The following UNC13C variants were observed in gnomAD, a reference collection of about 807,000 sequenced individuals.
UNC13C encodes unc-13 homolog C.
Under a neutral mutation model 245.4 loss-of-function variants are expected in UNC13C, and 174 were observed. The ratio of observed to expected loss-of-function variants is 0.71; its 90% CI spans 0.63 to 0.80. The LOEUF (loss-of-function observed/expected upper bound fraction) is 0.80. Among genes scored for constraint, UNC13C ranks in the 30% least tolerant of loss-of-function variants. The pLI is 0.00. For synonymous variants in UNC13C, 992 were observed against 895.1 expected (o/e 1.11, Z -1.93); for missense variants, 2,829 against 2,602.9 (o/e 1.09, Z -1.89).
chr15:54,153,430 GATA>G (rs894904005), intron 4 of UNC13C, among the ~76,000 whole-genome samples: 6 of 152,018 alleles, frequency 3.9e-5, no homozygotes, highest in African/African-American at 1.4e-4. Flanking sequence ...AGGTAGGTAT[GATA>G]ATTATTATTC....
intron 10 of UNC13C, among the ~76,000 whole-genome samples, chr15:54,277,160 A>G (rs2036854951): frequency 6.6e-6 from 1 of 152,122 alleles, no homozygotes; most frequent in African/African-American, 2.4e-5. Flanking sequence ...TGACATTTTT[A>G]TCAGCATCTC....
chr15:53,956,561 A>G, the UNC13C span, among the ~76,000 whole-genome samples: 1 of 150,320 alleles, frequency 6.7e-6, no homozygotes, highest in Non-Finnish European at 1.5e-5. Context: ...AGGGTATAGC[A>G]AGAGTGTTAC....
intron 17 of UNC13C, among the ~76,000 whole-genome samples, chr15:54,357,151 C>T (rs1463427999): frequency 6.6e-6 from 1 of 151,920 alleles, no homozygotes; most frequent in Non-Finnish European, 1.5e-5. Flanking sequence ...AAAATCTCAT[C>T]CGATCTTTCC....
At chr15:54,002,346 T>C (rs746629223) in intron 1 of UNC13C, among the ~76,000 whole-genome samples, 2 of 151,606 alleles carry the variant, frequency 1.3e-5, no homozygotes, top group African/African-American at 2.4e-5. Flanking sequence ...TGAGTAAGTC[T>C]CGAGTAAGTC....
At chr15:54,440,764 C>T (rs528541776) in intron 19 of UNC13C, among the ~76,000 whole-genome samples, 10 of 152,128 alleles carry the variant, frequency 6.6e-5, no homozygotes, top group African/African-American at 1.9e-4. Flanking sequence ...TACTAATTTA[C>T]GTTTCCACCA....
rs139681812 is a variant in UNC13C, at chr15:54,435,665, T to C, written c.4933+20598T>C. ...GGTTGATGGGTGCAGCAAACCACCA[T>C]GGCACATGTATACCTATGTAACAAA... is the stretch of plus-strand genomic sequence containing the variant. On this transcript the variant is annotated intron_variant, in intron 19 of 32. Transcript: ENST00000260323. 7.7e-3 allele frequency among the ~76,000 whole-genome samples: 1,165 copies of C among 151,696 alleles called. 7 individuals are homozygous for C. Among genetic ancestry groups the C allele is most frequent in the African/African-American group, 0.027 (1,105 of 41,406 alleles).
At chr15:54,308,736 A>G (rs1222604831) in intron 13 of UNC13C, among the ~76,000 whole-genome samples, 3 of 151,700 alleles carry the variant, frequency 2.0e-5, no homozygotes, top group African/African-American at 4.8e-5. Context: ...TATATTTCAC[A>G]TATGAATGAG....
chr15:53,961,126 T>C, the UNC13C span, among the ~76,000 whole-genome samples: 1 of 152,226 alleles, frequency 6.6e-6, no homozygotes, highest in Non-Finnish European at 1.5e-5. Flanking sequence ...TCCCTGAGGT[T>C]TTGCTGCAGC....
At chr15:53,989,924 A>G (rs1056792605) in intron 1 of UNC13C, among the ~76,000 whole-genome samples, 38 of 151,990 alleles carry the variant, frequency 2.5e-4, no homozygotes, top group African/African-American at 8.9e-4. Flanking sequence ...ACCAGAGGAA[A>G]AAATGGGTGA....
chr15:54,438,291 C>T (rs1596375262), intron 19 of UNC13C, among the ~76,000 whole-genome samples: 1 of 151,846 alleles, frequency 6.6e-6, no homozygotes, highest in Non-Finnish European at 1.5e-5. Flanking sequence ...GCTCTGATTC[C>T]TCTACTAAAA....
intron 4 of UNC13C, among the ~76,000 whole-genome samples, chr15:54,148,865 T>C (rs934912719): frequency 3.3e-5 from 5 of 152,130 alleles, no homozygotes; most frequent in African/African-American, 1.2e-4. Flanking sequence ...TTGCCAAATA[T>C]TAAGAAAATG....
intron 27 of UNC13C, among the ~76,000 whole-genome samples, chr15:54,548,856 A>G (rs899180458): frequency 6.6e-6 from 1 of 152,172 alleles, no homozygotes; most frequent in African/African-American, 2.4e-5. Context: ...CCTACTATGT[A>G]CTAGGCACTG....
At chr15:54,466,523 G>C (rs930407141) in intron 19 of UNC13C, among the ~76,000 whole-genome samples, 1 of 151,864 alleles carries the variant, frequency 6.6e-6, no homozygotes, top group African/African-American at 2.4e-5. Context: ...TGTGACAAAA[G>C]GGCATGTTGG....
intron 1 of UNC13C, among the ~76,000 whole-genome samples, chr15:54,007,690 C>A (rs1310828989): frequency 2.0e-5 from 3 of 152,120 alleles, no homozygotes; most frequent in African/African-American, 7.2e-5. Context: ...AATGGGTTGA[C>A]AGGTGTAGCA....
At chr15:53,889,232 A>T in the UNC13C span, among the ~76,000 whole-genome samples, 3 of 152,130 alleles carry the variant, frequency 2.0e-5, no homozygotes, top group Non-Finnish European at 4.4e-5. Flanking sequence ...TTCCTTGAGC[A>T]GTAGTTTGTG....
intron 2 of UNC13C, among the ~76,000 whole-genome samples, chr15:54,070,446 G>A (rs748499840): frequency 6.6e-6 from 1 of 152,130 alleles, no homozygotes; most frequent in Non-Finnish European, 1.5e-5. Flanking sequence ...ACCACCAGCT[G>A]CAAGTAAAAG....
intron 28 of UNC13C, among the ~76,000 whole-genome samples, chr15:54,552,654 T>A (rs1896849901): frequency 6.6e-5 from 5 of 76,246 alleles, no homozygotes; most frequent in Non-Finnish European, 8.7e-5. Flanking sequence ...AATTATATAA[T>A]TATATTATAT....
At position 54,013,246 on chromosome 15, in the gene UNC13C, G is replaced by A. The variant is rs770150249; in HGVS notation, c.343G>A (p.Asp115Asn). Residue 115 changes from aspartate (D) to asparagine (N), a missense_variant, in exon 2 of 33, where the codon GAT becomes AAT. By Grantham distance (23) the Asp-to-Asn change is conservative (BLOSUM62 1). Transcript: ENST00000260323. Reference protein sequence around the residue: ...NAKVTNSDNEDLLQELSSIES... With the variant: ...NAKVTNSDNENLLQELSSIES... ...TAAAGTAACCAACAGTGATAATGAG[G>A]ATCTGCTTCAAGAGCTCTCTTCAAT... is the stretch of plus-strand genomic sequence containing the variant. 4.7e-5 allele frequency: 76 copies of A among 1,613,572 alleles called. No homozygotes were observed. In the South Asian group the frequency reaches 7.7e-4, roughly 16 times the overall value.
chr15:54,238,600 CA>C lies in UNC13C; in HGVS notation c.3228+912del, dbSNP rs201485665. Among the ~76,000 whole-genome samples the C allele has an allele frequency of 4.6e-5, 7 of 152,156 alleles. No individual in the cohort carries two copies. The East Asian group carries it at 1.3e-3, about 29-fold the overall frequency. Reference sequence around the variant, plus strand: ...TCAGCATAGCTTAGGTTATAATAAGCAATACATACAAGCTTCTGTTTTATTA... The same window carrying C: ...TCAGCATAGCTTAGGTTATAATAAGCATACATACAAGCTTCTGTTTTATTA... On this transcript the variant is annotated intron_variant, in intron 7 of 32. Transcript: ENST00000260323.
Sources: gnomAD v4.1 joint callset for allele counts (sites outside exome capture counted in the v4.1 genomes callset) on GRCh38, gnomAD v4.1.1 for gene constraint, MANE v1.5 for transcripts, NCBI Gene and HGNC (gene_info 2026-07-23, HGNC 2026-07-21) for gene names.